The following SLC44A5 variants were observed in gnomAD, a reference collection of about 807,000 sequenced individuals.
SLC44A5 encodes the protein choline transporter-like protein 5.
SLC44A5 carries 57 observed loss-of-function variants against 101.8 expected under a neutral mutation model. The ratio of observed to expected loss-of-function variants is 0.56; its 90% CI spans 0.45 to 0.70. SLC44A5 has a LOEUF of 0.70. Among genes scored for constraint, SLC44A5 ranks in the 30% least tolerant of loss-of-function variants. The probability of loss-of-function intolerance (pLI) is 0.00; values close to 1 mark genes in which losing one functional copy is unlikely to be tolerated. For synonymous variants in SLC44A5, 281 were observed against 290.9 expected, an observed-to-expected ratio of 0.97 and a Z score of 0.35; for missense variants, 737 against 853.1, an observed-to-expected ratio of 0.86 and a Z score of 1.70.
the SLC44A5 span, among the ~76,000 whole-genome samples, chr1:75,653,218 C>T: frequency 2.6e-5 from 4 of 152,180 alleles, no homozygotes; most frequent in East Asian, 3.9e-4. Context: ...ACAGGCCGGG[C>T]GCACTGTAAT....
intron 3 of SLC44A5, among the ~76,000 whole-genome samples, chr1:75,343,683 A>G (rs1481598206): frequency 6.6e-6 from 1 of 152,170 alleles, no homozygotes; most frequent in Non-Finnish European, 1.5e-5. Context: ...AGCAGGTCAG[A>G]TTACTTTCCA....
At chr1:75,624,554 A>AG in the SLC44A5 span, among the ~76,000 whole-genome samples, 2 of 152,062 alleles carry the variant, frequency 1.3e-5, no homozygotes, top group Non-Finnish European at 2.9e-5. Context: ...ATATCTCTCT[A>AG]GGGGAGGTCA....
chr1:75,657,829 G>A, the SLC44A5 span, among the ~76,000 whole-genome samples: 1 of 151,954 alleles, frequency 6.6e-6, no homozygotes, highest in Non-Finnish European at 1.5e-5. Flanking sequence ...CAATAGTAAA[G>A]GACTTCACTG....
At chr1:75,340,569 T>C (rs1445101853) in intron 3 of SLC44A5, among the ~76,000 whole-genome samples, 1 of 152,214 alleles carries the variant, frequency 6.6e-6, no homozygotes, top group African/African-American at 2.4e-5. Flanking sequence ...TCTGCCTCAC[T>C]GCAACAGATA....
At chr1:75,652,053 G>C in the SLC44A5 span, among the ~76,000 whole-genome samples, 1 of 152,108 alleles carries the variant, frequency 6.6e-6, no homozygotes, top group Non-Finnish European at 1.5e-5. Flanking sequence ...CAAAATGGTG[G>C]AGTTTAACTG....
intron 2 of SLC44A5, among the ~76,000 whole-genome samples, chr1:75,482,817 G>A (rs1667948020): frequency 1.3e-5 from 2 of 152,076 alleles, no homozygotes; most frequent in Non-Finnish European, 2.9e-5. Context: ...GTTTCAATTT[G>A]TTCCCTCAGA....
intron 5 of SLC44A5, among the ~76,000 whole-genome samples, chr1:75,276,300 G>A (rs894657940): frequency 6.6e-6 from 1 of 152,076 alleles, no homozygotes; most frequent in Non-Finnish European, 1.5e-5. Flanking sequence ...AAATAACAAA[G>A]TGTTCAATGT....
At chr1:75,334,924 T>C (rs992054478) in intron 4 of SLC44A5, among the ~76,000 whole-genome samples, 2 of 152,174 alleles carry the variant, frequency 1.3e-5, no homozygotes. Context: ...GCACTTATAA[T>C]ACCACGTTGT....
chr1:75,678,996 G>A, the SLC44A5 span, among the ~76,000 whole-genome samples: 1 of 152,278 alleles, frequency 6.6e-6, no homozygotes, highest in South Asian at 2.1e-4. Flanking sequence ...GCTATCAACT[G>A]GAAGACAGGG....
chr1:75,489,228 G>C (rs959257485), intron 2 of SLC44A5, among the ~76,000 whole-genome samples: 8 of 149,250 alleles, frequency 5.4e-5, no homozygotes, highest in Non-Finnish European at 1.2e-4. Flanking sequence ...TGAATTTAGA[G>C]AGTAATTATT....
At chr1:75,348,843 A>T (rs1254937295) in intron 3 of SLC44A5, among the ~76,000 whole-genome samples, 1 of 152,248 alleles carries the variant, frequency 6.6e-6, no homozygotes, top group Middle Eastern at 3.2e-3. Context: ...CTTGTAGATA[A>T]ATGTGAAGAA....
intron 4 of SLC44A5, among the ~76,000 whole-genome samples, chr1:75,323,567 C>A (rs1462878811): frequency 2.6e-5 from 4 of 152,126 alleles, no homozygotes; most frequent in African/African-American, 9.7e-5. Flanking sequence ...TACAGTCCCA[C>A]CAACAGTGTA....
At chr1:75,368,570 C>T (rs1660010858) in intron 3 of SLC44A5, among the ~76,000 whole-genome samples, 1 of 152,024 alleles carries the variant, frequency 6.6e-6, no homozygotes, top group African/African-American at 2.4e-5. Flanking sequence ...TTTATAAAGT[C>T]TACTTTAATA....
At chr1:75,280,114 G>C (rs1570555424) in intron 5 of SLC44A5, among the ~76,000 whole-genome samples, 1 of 10,518 alleles carries the variant, frequency 9.5e-5, no homozygotes, top group Non-Finnish European at 1.7e-4. Context: ...GTATTCCATT[G>C]TGTGTGTGTG....
intron 2 of SLC44A5, among the ~76,000 whole-genome samples, chr1:75,463,787 T>C (rs1666650797): frequency 6.6e-6 from 1 of 152,190 alleles, no homozygotes; most frequent in Non-Finnish European, 1.5e-5. Flanking sequence ...TCACTGGTAA[T>C]AGTAAGTACA....
chr1:75,687,771 T>A, the SLC44A5 span, among the ~76,000 whole-genome samples: 3 of 152,234 alleles, frequency 2.0e-5, no homozygotes, highest in African/African-American at 4.8e-5. Context: ...ATTTTCCAAC[T>A]CTTCCTTGAA....
the SLC44A5 span, among the ~76,000 whole-genome samples, chr1:75,717,340 C>CAA: frequency 1.0e-5 from 1 of 97,878 alleles, no homozygotes; most frequent in Non-Finnish European, 2.1e-5. Context: ...GACCCTGTCT[C>CAA]AAAAAAAAAA....
At chr1:75,631,007 G>A in the SLC44A5 span, among the ~76,000 whole-genome samples, 36 of 152,176 alleles carry the variant, frequency 2.4e-4, no homozygotes, top group African/African-American at 8.0e-4. Context: ...CCACTTCTCC[G>A]AGCATGCTCT....
chr1:75,706,061 A>C, the SLC44A5 span, among the ~76,000 whole-genome samples: 1 of 152,080 alleles, frequency 6.6e-6, no homozygotes, highest in Non-Finnish European at 1.5e-5. Flanking sequence ...CTTGTACTTT[A>C]TTCAGGTTTA....
Sources: allele counts gnomAD v4.1 joint callset (sites outside exome capture counted in the v4.1 genomes callset), GRCh38; gene constraint gnomAD v4.1.1; transcripts MANE v1.5; gene names NCBI Gene and HGNC (gene_info 2026-07-23, HGNC 2026-07-21).